WWOX: variants seen among roughly 807,000 people sequenced by gnomAD.
The protein encoded by WWOX is WW domain containing oxidoreductase, also known as WW domain-containing oxidoreductase.
In WWOX, 69 loss-of-function variants were observed where a neutral mutation model predicts 46.2. That is an observed-to-expected ratio of 1.49 (90% confidence interval 1.23 to 1.82). The LOEUF is 1.82. Ranked by LOEUF, WWOX falls within the 40% of genes most tolerant of loss-of-function variation. WWOX has a pLI of 0.00. For synonymous variants in WWOX, 359 were observed against 202.6 expected (o/e 1.77, Z -6.56); for missense variants, 919 against 542.6 (o/e 1.69, Z -6.89).
chr16:78,368,941 T>G (rs920869287), intron 5 of WWOX, among the ~76,000 whole-genome samples: 1 of 152,184 alleles, frequency 6.6e-6, no homozygotes, highest in Non-Finnish European at 1.5e-5. Flanking sequence ...TGCTCTCTAC[T>G]GCTCCTCATA....
intron 6 of WWOX, among the ~76,000 whole-genome samples, chr16:78,416,089 A>G (rs1281969586): frequency 1.3e-5 from 2 of 152,202 alleles, no homozygotes; most frequent in East Asian, 1.9e-4. Context: ...CCTCTCACAG[A>G]TGAGAATCCA....
chr16:78,568,098 A>G (rs955566548), intron 8 of WWOX, among the ~76,000 whole-genome samples: 3 of 152,182 alleles, frequency 2.0e-5, no homozygotes, highest in African/African-American at 7.2e-5. Context: ...CGCCGTCGTA[A>G]AAATCCGTGC....
intron 8 of WWOX, among the ~76,000 whole-genome samples, chr16:78,927,396 G>A (rs1455196739): frequency 1.3e-5 from 2 of 152,144 alleles, no homozygotes; most frequent in East Asian, 1.9e-4. Flanking sequence ...ATCAATAACT[G>A]TTCTTATGTC....
intron 5 of WWOX, among the ~76,000 whole-genome samples, chr16:78,260,563 G>T (rs1433917000): frequency 6.6e-6 from 1 of 151,396 alleles, no homozygotes; most frequent in African/African-American, 2.4e-5. Flanking sequence ...ACCTACTTGG[G>T]AGGCTGAGGC....
intron 8 of WWOX, among the ~76,000 whole-genome samples, chr16:78,900,445 G>C (rs545433492): frequency 6.6e-6 from 1 of 152,142 alleles, no homozygotes. Context: ...GAGACTTTCT[G>C]TTAGGAAAGT....
rs191302095 is a variant in WWOX, at chr16:78,928,034, C to T, written c.1057-283574C>T. 4.4e-3 allele frequency among the ~76,000 whole-genome samples: 665 copies of T among 151,770 alleles called. 5 individuals carry two copies. Among genetic ancestry groups the T allele is most frequent in the African/African-American group, 0.015 (622 of 41,420 alleles). On this transcript the variant is annotated intron_variant, in intron 8 of 8. Coordinates refer to ENST00000566780, the MANE Select transcript of WWOX (RefSeq NM_016373.4). ...ATGAAGTCTTGCTAGAATGCATAAA[C>T]AAACAAAAAAAATATCATACTCTCA...
At chr16:78,626,624 C>T (rs2046317880) in intron 8 of WWOX, among the ~76,000 whole-genome samples, 1 of 152,268 alleles carries the variant, frequency 6.6e-6, no homozygotes, top group South Asian at 2.1e-4. Flanking sequence ...CTCCACTGCA[C>T]ACTTAGTCTT....
At chr16:78,932,636 G>A (rs1019375932) in intron 8 of WWOX, among the ~76,000 whole-genome samples, 1 of 152,218 alleles carries the variant, frequency 6.6e-6, no homozygotes, top group African/African-American at 2.4e-5. Flanking sequence ...TGAAAGAGAA[G>A]CCTGCAGCTG....
chr16:78,595,660 T>G (rs931826184), intron 8 of WWOX, among the ~76,000 whole-genome samples: 6 of 152,212 alleles, frequency 3.9e-5, no homozygotes, highest in Non-Finnish European at 1.5e-5. Flanking sequence ...TGAGCCATAC[T>G]CAGAGTGGCC....
At chr16:78,631,049 G>C (rs550419172) in intron 8 of WWOX, among the ~76,000 whole-genome samples, 10 of 152,176 alleles carry the variant, frequency 6.6e-5, no homozygotes, top group Non-Finnish European at 1.5e-4. Flanking sequence ...ATTGTATTAG[G>C]TATTATAAGT....
chr16:78,958,717 A>G (rs2046217406), intron 8 of WWOX, among the ~76,000 whole-genome samples: 3 of 152,244 alleles, frequency 2.0e-5, no homozygotes, highest in South Asian at 4.1e-4. Flanking sequence ...ATGTGCAGGT[A>G]TCACCAGGAT....
At chr16:78,366,845 T>G (rs1351950006) in intron 5 of WWOX, among the ~76,000 whole-genome samples, 4 of 152,010 alleles carry the variant, frequency 2.6e-5, no homozygotes, top group African/African-American at 9.7e-5. Context: ...TTTCTACACA[T>G]ATAGAAACTG....
intron 8 of WWOX, among the ~76,000 whole-genome samples, chr16:78,800,564 C>T (rs956363580): frequency 6.6e-6 from 1 of 152,158 alleles, no homozygotes; most frequent in Non-Finnish European, 1.5e-5. Context: ...AATTAATATG[C>T]AGAATCTGTC....
At chr16:78,232,047 A>G (rs2037286271) in intron 5 of WWOX, among the ~76,000 whole-genome samples, 1 of 152,136 alleles carries the variant, frequency 6.6e-6, no homozygotes, top group African/African-American at 2.4e-5. Flanking sequence ...TTGTCTTTGC[A>G]GTCTATTAGG....
chr16:78,901,563 C>G (rs1446961526), intron 8 of WWOX, among the ~76,000 whole-genome samples: 1 of 152,226 alleles, frequency 6.6e-6, no homozygotes, highest in Non-Finnish European at 1.5e-5. Context: ...TCTTGGTTCA[C>G]TGCAGCCTGT....
chr16:78,604,352 G>A (rs1457204062), intron 8 of WWOX, among the ~76,000 whole-genome samples: 1 of 152,000 alleles, frequency 6.6e-6, no homozygotes, highest in Non-Finnish European at 1.5e-5. Flanking sequence ...GCTTTAGTGT[G>A]GCAGATGTTA....
chr16:79,176,534 C>T (rs1052604469), intron 8 of WWOX, among the ~76,000 whole-genome samples: 2 of 152,168 alleles, frequency 1.3e-5, no homozygotes, highest in African/African-American at 4.8e-5. Context: ...CATCTGCAGT[C>T]TCTGGTATAA....
chr16:78,558,759 C>T (rs923931333), intron 8 of WWOX, among the ~76,000 whole-genome samples: 3 of 152,230 alleles, frequency 2.0e-5, no homozygotes, highest in African/African-American at 7.2e-5. Context: ...AAAGGCCTGG[C>T]CTTTGTGTTG....
intron 8 of WWOX, among the ~76,000 whole-genome samples, chr16:78,665,177 G>A (rs2047302169): frequency 6.6e-6 from 1 of 152,132 alleles, no homozygotes; most frequent in African/African-American, 2.4e-5. Context: ...GTAGGGAGCT[G>A]TGATGACGGG....
Sources: allele counts gnomAD v4.1 joint callset (sites outside exome capture counted in the v4.1 genomes callset), GRCh38; gene constraint gnomAD v4.1.1; transcripts MANE v1.5; gene names NCBI Gene and HGNC (gene_info 2026-07-23, HGNC 2026-07-21).